CELSR1: variants seen among roughly 807,000 people sequenced by gnomAD.
The protein encoded by CELSR1 is adhesion G protein-coupled receptor C1.
A neutral mutation model predicts 249.1 loss-of-function variants in CELSR1; 110 were observed. The observed-to-expected ratio is 0.44, with a 90% CI of 0.38 to 0.52. CELSR1 has a LOEUF of 0.52. Ranked by LOEUF, CELSR1 falls within the 20% of genes least tolerant of loss-of-function variation. The pLI, the probability that CELSR1 is intolerant of heterozygous loss-of-function variation, is 0.00. For missense variants in CELSR1, 4,109 were observed against 4,296.4 expected (o/e 0.96, Z 1.22); for synonymous variants, 2,113 against 1,900.0 (o/e 1.11, Z -2.92).
Position 46,397,460 on chromosome 22 carries a change from G to T in CELSR1, c.5701+214C>A, listed in dbSNP as rs76454114. 7.0e-4 allele frequency among the ~76,000 whole-genome samples: 106 copies of T among 152,116 alleles called. 1 individual carries two copies. The highest frequency in any genetic ancestry group is 2.5e-3 in the African/African-American group (102 of 41,492). ...TTCTTTGCTGATCACCCCATGTGCT[G>T]AGGAGAGCGCCTGGGGCACTCTGTG... On this transcript the variant is annotated intron_variant, in intron 12 of 34. Coordinates refer to ENST00000674500, the MANE Select transcript of CELSR1 (RefSeq NM_001378328.1).
intron 2 of CELSR1, among the ~76,000 whole-genome samples, chr22:46,450,516 G>A (rs1181043801): frequency 6.6e-6 from 1 of 152,250 alleles, no homozygotes; most frequent in Non-Finnish European, 1.5e-5. Flanking sequence ...CACCTGGCTG[G>A]TCAGATGAGT....
In CELSR1 at chr22:46,484,186, C is replaced by T. The variant is rs3788714; in HGVS notation, c.3545-19841G>A. Among the ~76,000 whole-genome samples, 39,529 of 152,048 alleles carry T rather than the reference C, an allele frequency of 0.26. 5,316 individuals carry two copies. The highest frequency in any genetic ancestry group is 0.3 in the African/African-American group (12,538 of 41,474). Reference sequence around the variant, plus strand: ...GAGCTGCTGGGGAGAGCCGTTACGACGGTGGGGACGGGTCCGAGGTCTGAA... The same window carrying T: ...GAGCTGCTGGGGAGAGCCGTTACGATGGTGGGGACGGGTCCGAGGTCTGAA... On this transcript the variant is annotated intron_variant, in intron 1 of 34. Coordinates refer to ENST00000674500, the MANE Select transcript of CELSR1 (RefSeq NM_001378328.1). This position sits in a 1 kb window ranked among gnomAD's most constrained non-coding sequence, Gnocchi z 4.5.
chr22:46,430,528 A>G lies in CELSR1; in HGVS notation c.4611+2865T>C, dbSNP rs1288913333. 6.6e-6 allele frequency among the ~76,000 whole-genome samples: 1 copy of G among 151,714 alleles called. No individual in the cohort carries two copies. The highest frequency in any genetic ancestry group is 2.4e-5 in the African/African-American group (1 of 41,264). ...CTCTCAACTGGTCATGGCCCTGGAC[A>G]CCCCTCATCGTCCAGCCCCAACGCC... is the stretch of plus-strand genomic sequence containing the variant. On this transcript the variant is annotated intron_variant, in intron 5 of 34. Coordinates refer to ENST00000674500, the MANE Select transcript of CELSR1 (RefSeq NM_001378328.1). This position sits in a 1 kb window ranked among gnomAD's most constrained non-coding sequence, Gnocchi z 4.6.
chr22:46,498,112 G>C (rs1004562768), intron 1 of CELSR1, among the ~76,000 whole-genome samples: 4 of 151,714 alleles, frequency 2.6e-5, no homozygotes, highest in Admixed American at 2.6e-4. Context: ...GCTGGGTGTG[G>C]TGGCGCACAC....
intron 1 of CELSR1, among the ~76,000 whole-genome samples, chr22:46,499,115 G>A (rs377128016): frequency 2.0e-5 from 3 of 151,772 alleles, no homozygotes; most frequent in East Asian, 3.9e-4. Context: ...GGGCGATGGC[G>A]GTTGCAGTGA....
At chr22:46,532,478 T>A (rs1481588557) in intron 1 of CELSR1, among the ~76,000 whole-genome samples, 4 of 152,372 alleles carry the variant, frequency 2.6e-5, no homozygotes, top group South Asian at 4.1e-4. Flanking sequence ...CTGTTAGCTA[T>A]CCAACCCTTC....
chr22:46,389,210 G>A (rs2079062078), intron 18 of CELSR1, 80 bp downstream of exon 18: 3 of 1,449,066 alleles, frequency 2.1e-6, no homozygotes, highest in Non-Finnish European at 9.5e-7. Flanking sequence ...TGAGGTAGAC[G>A]CCCAGCCCCA....
At chr22:46,376,032 G>A (rs562108538) in intron 24 of CELSR1, among the ~76,000 whole-genome samples, 10 of 152,204 alleles carry the variant, frequency 6.6e-5, no homozygotes, top group Non-Finnish European at 1.5e-4. Context: ...GATGTTACAG[G>A]GGATGCCTCC....
intron 1 of CELSR1, among the ~76,000 whole-genome samples, chr22:46,483,910 CT>C (rs1165554461): frequency 6.6e-6 from 1 of 152,174 alleles, no homozygotes; most frequent in African/African-American, 2.4e-5. Context: ...AGCTGCAAGG[CT>C]TTCTAATACC....
intron 19 of CELSR1, 135 bp from the exon 20 acceptor site, chr22:46,384,821 G>C: frequency 1.0e-6 from 1 of 959,304 alleles, no homozygotes; most frequent in Non-Finnish European, 1.5e-6. Context: ...GTGGAGTCTC[G>C]CAGTGTCTCC....
In CELSR1 at chr22:46,472,364, G is replaced by T. The variant is rs1168981921; in HGVS notation, c.3545-8019C>A. ...GGGCTCATGCTGTGGGGCAGTGGGG[G>T]CAGAGGTCACATCATGGCCCTCAAG... On this transcript the variant is annotated intron_variant, in intron 1 of 34. Coordinates refer to ENST00000674500, the MANE Select transcript of CELSR1 (RefSeq NM_001378328.1). The surrounding 1 kb of genome is among the most constrained non-coding windows in gnomAD (Gnocchi z 7.0). Among the ~76,000 whole-genome samples, 1 of 152,206 alleles carries T rather than the reference G, an allele frequency of 6.6e-6. No homozygotes were observed. Among genetic ancestry groups the T allele is most frequent in the Admixed American group, 6.5e-5 (1 of 15,278 alleles).
rs747249032 is a variant in CELSR1 at position 46,372,958 on chromosome 22, C to T, written c.7684G>A (p.Glu2562Lys). The T allele has an allele frequency of 9.9e-6, 16 of 1,613,402 alleles. No homozygotes were observed. Among genetic ancestry groups the T allele is most frequent in the East Asian group, 2.2e-5 (1 of 44,866 alleles). Residue 2562 changes from glutamate to lysine, a missense_variant, in exon 25 of 35, where the codon GAG becomes AAG. Physicochemically the swap from Glu to Lys is moderately conservative, Grantham distance 56. Around this residue, in one of 7 missense-constraint regions of CELSR1, gnomAD observed 1,805 missense variants for 1,831.6 expected, o/e 0.99. Coordinates refer to ENST00000674500, the MANE Select transcript of CELSR1 (RefSeq NM_001378328.1). ...ESLHVYRMLT[E>K]VRNIDTGPMR... ...GGCCCCGTGTCGATGTTGCGCACCT[C>T]GGTCAGCATGCGGTAGACATGCAGG...
At chr22:46,467,695 G>A (rs979008644) in intron 1 of CELSR1, among the ~76,000 whole-genome samples, 1 of 151,644 alleles carries the variant, frequency 6.6e-6, no homozygotes, top group Non-Finnish European at 1.5e-5. Context: ...GGTGGCAGGC[G>A]CCTGTAGTCC....
At position 46,410,007 on chromosome 22, in the gene CELSR1, A is replaced by G; in HGVS notation, c.4934-127T>C. On this transcript the variant is annotated intron_variant, in intron 7 of 34. Transcript: ENST00000674500. This position sits in a 1 kb window ranked among gnomAD's most constrained non-coding sequence, Gnocchi z 6.8. The stretch of plus-strand genomic sequence containing the variant: ...CTGGACAGAAGTCAGACCAGGTCTG[A>G]ACGCCCCTGGCAACGGCAGGAACAT... 8.0e-7 allele frequency: 1 copy of G among 1,245,002 alleles called. No individual in the cohort carries two copies. Among genetic ancestry groups the G allele is most frequent in the Non-Finnish European group, 1.1e-6 (1 of 890,464 alleles). The allele number at this position is 1,245,002 out of a possible 1,614,324, so 77.1% of individuals were successfully genotyped here.
At chr22:46,425,375 A>G (rs917328830) in intron 5 of CELSR1, among the ~76,000 whole-genome samples, 11 of 152,322 alleles carry the variant, frequency 7.2e-5, no homozygotes, top group African/African-American at 2.4e-4. Context: ...AATTCTTTAA[A>G]TATTTGTTAG....
chr22:46,502,910 G>T (rs138783169), intron 1 of CELSR1, among the ~76,000 whole-genome samples: 4 of 152,134 alleles, frequency 2.6e-5, no homozygotes, highest in African/African-American at 9.7e-5. Context: ...CATAATTCCC[G>T]GGAGACAGCA....
chr22:46,494,424 G>A (rs574747996), intron 1 of CELSR1, among the ~76,000 whole-genome samples: 81 of 152,156 alleles, frequency 5.3e-4, no homozygotes, highest in Non-Finnish European at 1.0e-3. Context: ...GACCAGTCTG[G>A]GAAGAAATGA....
At chr22:46,514,005 G>A (rs990929376) in intron 1 of CELSR1, among the ~76,000 whole-genome samples, 2 of 152,030 alleles carry the variant, frequency 1.3e-5, no homozygotes, top group Admixed American at 1.3e-4. Context: ...TTGTTGGCCA[G>A]GATGGTCTCG....
chr22:46,528,905 G>A (rs982363417), intron 1 of CELSR1, among the ~76,000 whole-genome samples: 2 of 151,064 alleles, frequency 1.3e-5, no homozygotes, highest in African/African-American at 4.9e-5. Flanking sequence ...CTCCAGCCTG[G>A]GCGACAGAGC....
Sources: allele counts gnomAD v4.1 joint callset (sites outside exome capture counted in the v4.1 genomes callset), GRCh38; gene constraint gnomAD v4.1.1; regional missense constraint gnomAD v4.1.1; non-coding constraint Gnocchi (gnomAD v3.1); transcripts MANE v1.5; gene names NCBI Gene and HGNC (gene_info 2026-07-23, HGNC 2026-07-21).